RAB8B: variants seen among roughly 807,000 people sequenced by gnomAD.
RAB8B encodes the protein ras-related protein Rab-8B.
A neutral mutation model predicts 32.0 loss-of-function variants in RAB8B; 11 were observed. The observed-to-expected ratio is 0.34, with a 90% CI of 0.22 to 0.57. RAB8B has a LOEUF of 0.57. Ranked by LOEUF, RAB8B falls within the 20% of genes least tolerant of loss-of-function variation. The pLI, the probability that RAB8B is intolerant of heterozygous loss-of-function variation, is 0.86. For missense variants in RAB8B, 190 were observed against 258.5 expected (o/e 0.73, Z 1.82); for synonymous variants, 103 against 89.6 (o/e 1.15, Z -0.85).
At chr15:63,218,959 C>G (rs1165872491) in intron 1 of RAB8B, among the ~76,000 whole-genome samples, 3 of 147,020 alleles carry the variant, frequency 2.0e-5, no homozygotes, top group Non-Finnish European at 4.5e-5. Flanking sequence ...TTTTCTCTCT[C>G]TCACTAAAAA....
At chr15:63,246,987 T>C (rs949519473) in intron 2 of RAB8B, among the ~76,000 whole-genome samples, 4 of 152,234 alleles carry the variant, frequency 2.6e-5, no homozygotes, top group Non-Finnish European at 5.9e-5. Flanking sequence ...CCTTACTGTA[T>C]CACACTATCA....
chr15:63,222,488 A>G (rs1035980972), intron 1 of RAB8B, among the ~76,000 whole-genome samples: 6 of 152,338 alleles, frequency 3.9e-5, no homozygotes, highest in African/African-American at 1.4e-4. Flanking sequence ...TGAATGATGG[A>G]TCATATATAG....
rs1473924010 is a variant in RAB8B at position 63,215,462 on chromosome 15, C to T, written c.124+25714C>T. Among the ~76,000 whole-genome samples the T allele has an allele frequency of 3.3e-5, 5 of 152,326 alleles. 1 individual carries two copies. The highest frequency in any genetic ancestry group is 4.1e-4 in the South Asian group (2 of 4,830). On this transcript the variant is annotated intron_variant, in intron 1 of 7. Transcript: ENST00000321437. ...TATATAAAAATTTAACCAGTTAACG[C>T]TGTATCTTTGTCATACTGTATTTCT...
chr15:63,195,751 AT>A (rs2037594874), intron 1 of RAB8B, among the ~76,000 whole-genome samples: 1 of 152,200 alleles, frequency 6.6e-6, no homozygotes, highest in South Asian at 2.1e-4. Flanking sequence ...ACTTGAGAAT[AT>A]TTTGCAGGAA....
intron 7 of RAB8B, 92 bp from the exon 8 acceptor site, chr15:63,263,419 TAGAATACACATTTCAC>T: frequency 1.8e-6 from 1 of 557,076 alleles, no homozygotes; most frequent in Admixed American, 3.3e-5. Context: ...CACATTTCAC[TAGAATACACATTTCAC>T]ATGGTATGGT....
chr15:63,217,485 T>G (rs1048418964), intron 1 of RAB8B, among the ~76,000 whole-genome samples: 4 of 152,196 alleles, frequency 2.6e-5, no homozygotes, highest in African/African-American at 9.6e-5. Context: ...GGTGGTACTG[T>G]GTATAATAAC....
At chr15:63,257,666 T>C (rs1336561534) in intron 5 of RAB8B, among the ~76,000 whole-genome samples, 1 of 152,186 alleles carries the variant, frequency 6.6e-6, no homozygotes, top group East Asian at 1.9e-4. Flanking sequence ...TAGGAACTTT[T>C]TGAGGAATAT....
At chr15:63,213,941 C>T (rs1390457895) in intron 1 of RAB8B, among the ~76,000 whole-genome samples, 4 of 152,032 alleles carry the variant, frequency 2.6e-5, no homozygotes, top group African/African-American at 4.8e-5. Context: ...ATTAGCTGGG[C>T]GTTGTGGCAT....
At chr15:63,255,701 C>T in intron 4 of RAB8B, 117 bp downstream of exon 4, 1 of 769,166 alleles carries the variant, frequency 1.3e-6, no homozygotes, top group Non-Finnish European at 2.2e-6. Flanking sequence ...GCAGGTTGGG[C>T]CCTCTCTCTC....
chr15:63,234,520 C>T (rs1348470474), intron 1 of RAB8B, among the ~76,000 whole-genome samples: 1 of 152,200 alleles, frequency 6.6e-6, no homozygotes, highest in Non-Finnish European at 1.5e-5. Context: ...TAACTATGGA[C>T]TTGGGCCAGG....
At chr15:63,193,950 T>A (rs567044859) in intron 1 of RAB8B, among the ~76,000 whole-genome samples, 13 of 152,336 alleles carry the variant, frequency 8.5e-5, no homozygotes, top group African/African-American at 2.6e-4. Context: ...AATATTGATA[T>A]GAGGGCATAC....
chr15:63,198,816 C>T (rs1296735951), intron 1 of RAB8B, among the ~76,000 whole-genome samples: 8 of 152,086 alleles, frequency 5.3e-5, no homozygotes, highest in Non-Finnish European at 8.8e-5. Flanking sequence ...GTTTCTTATG[C>T]AATATTTGTT....
chr15:63,192,996 G>A (rs763251834), intron 1 of RAB8B, among the ~76,000 whole-genome samples: 5 of 152,002 alleles, frequency 3.3e-5, no homozygotes, highest in African/African-American at 1.2e-4. Context: ...GCTGAGGCAG[G>A]AAGATCACTT....
At chr15:63,256,620 G>T in intron 5 of RAB8B, 26 bp downstream of exon 5, 2 of 1,478,084 alleles carry the variant, frequency 1.4e-6, no homozygotes, top group Non-Finnish European at 1.9e-6. Context: ...ATGGATAAAG[G>T]TTGGAATCTA....
intron 2 of RAB8B, among the ~76,000 whole-genome samples, chr15:63,245,953 A>G (rs562842633): frequency 4.6e-5 from 7 of 152,036 alleles, no homozygotes; most frequent in African/African-American, 1.4e-4. Context: ...GCTCACTGCA[A>G]CCTCCACCTC....
rs1033244035 is a variant in RAB8B at position 63,193,778 on chromosome 15, T to G, written c.124+4030T>G. Among the ~76,000 whole-genome samples the G allele has an allele frequency of 7.2e-5, 11 of 152,134 alleles. No homozygotes were observed. The East Asian group carries it at 1.5e-3, about 21-fold the overall frequency. ...GTGAGCTGAGATCGCGCCACTGCATTCCAGCCTGGGCGACAGAGCAAGACT... is the reference window on the plus strand; with the variant it reads ...GTGAGCTGAGATCGCGCCACTGCATGCCAGCCTGGGCGACAGAGCAAGACT... On this transcript the variant is annotated intron_variant, in intron 1 of 7. Transcript: ENST00000321437.
chr15:63,257,939 T>C (rs1170107701), intron 5 of RAB8B, among the ~76,000 whole-genome samples: 4 of 151,284 alleles, frequency 2.6e-5, no homozygotes, highest in Non-Finnish European at 2.9e-5. Context: ...TGCGTGCGTC[T>C]GTAGTCCCAG....
rs149536134 is a variant in RAB8B at position 63,195,173 on chromosome 15, T to G, written c.124+5425T>G. 6.8e-4 allele frequency among the ~76,000 whole-genome samples: 104 copies of G among 152,330 alleles called. 1 individual carries two copies. In the East Asian group the frequency reaches 0.02, roughly 29 times the overall value. On this transcript the variant is annotated intron_variant, in intron 1 of 7. Transcript: ENST00000321437. ...TATTGAACATTTTGTACATAAAGCC[T>G]TATTTTAATGTCATTGTGTTCTTTC... is the stretch of plus-strand genomic sequence containing the variant.
intron 4 of RAB8B, 71 bp from the exon 5 acceptor site, chr15:63,256,434 G>A: frequency 9.5e-7 from 1 of 1,058,028 alleles, no homozygotes; most frequent in South Asian, 1.5e-5. Context: ...GTTTCTGACA[G>A]GTTGGATTTG....
Sources: gnomAD v4.1 joint callset for allele counts (sites outside exome capture counted in the v4.1 genomes callset) on GRCh38, gnomAD v4.1.1 for gene constraint, MANE v1.5 for transcripts, NCBI Gene and HGNC (gene_info 2026-07-23, HGNC 2026-07-21) for gene names.